ATP10D: variants seen among roughly 807,000 people sequenced by gnomAD.
ATP10D encodes the protein phospholipid-transporting ATPase VD.
ATP10D carries 89 observed loss-of-function variants against 144.8 expected under a neutral mutation model. That is an observed-to-expected ratio of 0.61 (90% CI 0.52 to 0.73). The LOEUF (loss-of-function observed/expected upper bound fraction) is 0.73, where lower values mean the gene tolerates loss of function less well. ATP10D is among the 30% of genes least tolerant of loss of function. The probability of loss-of-function intolerance (pLI) is 0.00; values close to 1 mark genes in which losing one functional copy is unlikely to be tolerated. For synonymous variants in ATP10D, 571 were observed against 615.1 expected, an observed-to-expected ratio of 0.93 and a Z score of 1.06; for missense variants, 1,603 against 1,714.8, an observed-to-expected ratio of 0.93 and a Z score of 1.15.
chr4:47,570,528 G>T (rs560092761), intron 16 of ATP10D, among the ~76,000 whole-genome samples: 2 of 152,300 alleles, frequency 1.3e-5, no homozygotes, highest in Non-Finnish European at 2.9e-5. Flanking sequence ...ATCAGGCCAG[G>T]TACAGTGGCT....
intron 5 of ATP10D, among the ~76,000 whole-genome samples, chr4:47,535,245 A>C (rs1343237017): frequency 6.6e-6 from 1 of 151,950 alleles, no homozygotes; most frequent in African/African-American, 2.4e-5. Context: ...AGAAATCTGT[A>C]CACCAAAGCC....
chr4:47,496,488 T>C (rs934205058), intron 1 of ATP10D, among the ~76,000 whole-genome samples: 2 of 152,150 alleles, frequency 1.3e-5, no homozygotes, highest in African/African-American at 4.8e-5. Context: ...GAGTTCAGTA[T>C]ATTTCTACTG....
intron 14 of ATP10D, among the ~76,000 whole-genome samples, chr4:47,562,495 T>G (rs1348121328): frequency 6.6e-6 from 1 of 152,148 alleles, no homozygotes; most frequent in Non-Finnish European, 1.5e-5. Flanking sequence ...CACAATGAGA[T>G]ACCATCTTAC....
At chr4:47,533,832 A>G (rs539547252) in intron 5 of ATP10D, among the ~76,000 whole-genome samples, 1 of 152,232 alleles carries the variant, frequency 6.6e-6, no homozygotes, top group East Asian at 1.9e-4. Flanking sequence ...TTCCACTTCC[A>G]CTTCCTTTCC....
chr4:47,569,792 G>C (rs1401170833), intron 16 of ATP10D, among the ~76,000 whole-genome samples: 3 of 152,148 alleles, frequency 2.0e-5, no homozygotes, highest in Non-Finnish European at 4.4e-5. Context: ...TGCTAAGGTT[G>C]ACTGTGAGCA....
At chr4:47,511,719 G>C (rs1355562241) in intron 1 of ATP10D, among the ~76,000 whole-genome samples, 2 of 152,200 alleles carry the variant, frequency 1.3e-5, no homozygotes, top group Admixed American at 1.3e-4. Flanking sequence ...GCTGAGCTCA[G>C]CTGAGACATC....
intron 20 of ATP10D, among the ~76,000 whole-genome samples, chr4:47,581,236 A>G (rs1720500037): frequency 6.6e-6 from 1 of 152,240 alleles, no homozygotes; most frequent in Non-Finnish European, 1.5e-5. Context: ...AAAGCAAAAA[A>G]AGTATAAACT....
chr4:47,539,147 T>G (rs1718003297), intron 9 of ATP10D, among the ~76,000 whole-genome samples: 1 of 152,228 alleles, frequency 6.6e-6, no homozygotes, highest in South Asian at 2.1e-4. Flanking sequence ...ATATCTTTGT[T>G]ATATAAATTT....
At chr4:47,538,807 C>G (rs1190871195) in intron 9 of ATP10D, among the ~76,000 whole-genome samples, 2 of 152,200 alleles carry the variant, frequency 1.3e-5, no homozygotes, top group Non-Finnish European at 2.9e-5. Context: ...AACAGCCTCA[C>G]AACAGCAGAG....
At chr4:47,511,434 G>C (rs115161403) in intron 1 of ATP10D, among the ~76,000 whole-genome samples, 1 of 152,114 alleles carries the variant, frequency 6.6e-6, no homozygotes, top group Non-Finnish European at 1.5e-5. Context: ...CATCAAAAGT[G>C]ATTGTCTGCC....
intron 1 of ATP10D, among the ~76,000 whole-genome samples, chr4:47,506,620 G>A (rs1716031913): frequency 6.6e-6 from 1 of 152,100 alleles, no homozygotes; most frequent in African/African-American, 2.4e-5. Flanking sequence ...AATTTTTTAA[G>A]ATTGTAAATC....
Position 47,573,213 on chromosome 4 carries a change from A to G in ATP10D, c.3366+216A>G, listed in dbSNP as rs370958325. Among the ~76,000 whole-genome samples the G allele has an allele frequency of 5.8e-4, 88 of 152,226 alleles. 1 individual carries two copies. Among genetic ancestry groups the G allele is most frequent in the Middle Eastern group, 3.4e-3 (1 of 294 alleles). On this transcript the variant is annotated intron_variant, in intron 18 of 22. Coordinates refer to ENST00000273859, the MANE Select transcript of ATP10D (RefSeq NM_020453.4). ...TTGCCAGGCTTGTCCATCTGCTAAC[A>G]TTTTCTACTCCCTGTGCATTTAAAT...
intron 1 of ATP10D, among the ~76,000 whole-genome samples, chr4:47,498,365 A>C (rs775773416): frequency 3.3e-5 from 5 of 152,204 alleles, no homozygotes; most frequent in African/African-American, 4.8e-5. Flanking sequence ...CCACAACCAA[A>C]AATATCTCCA....
intron 11 of ATP10D, among the ~76,000 whole-genome samples, chr4:47,555,741 A>G (rs757712342): frequency 6.6e-6 from 1 of 151,962 alleles, no homozygotes; most frequent in African/African-American, 2.4e-5. Context: ...ATCATGTTTA[A>G]TAATATTTTT....
chr4:47,548,503 GA>G (rs1718556464), intron 10 of ATP10D, among the ~76,000 whole-genome samples: 1 of 152,160 alleles, frequency 6.6e-6, no homozygotes, highest in South Asian at 2.1e-4. Flanking sequence ...AACTCCCTGA[GA>G]GAAGGATTTA....
chr4:47,568,911 G>T lies in ATP10D; in HGVS notation c.2928G>T (p.Val976=). Residue 976 remains valine, a synonymous_variant, in exon 16 of 23, where the codon GTG becomes GTT. Transcript: ENST00000273859. ...AAACTCAAGCCCTGCCAGAGCAAGTGTCATTAAGTGAAGATTTACTTCAGC... is the reference window on the plus strand; with the variant it reads ...AAACTCAAGCCCTGCCAGAGCAAGTTTCATTAAGTGAAGATTTACTTCAGC... ...QKKTQALPEQ[V]SLSEDLLQPP... 6.2e-7 allele frequency: 1 copy of T among 1,614,204 alleles called. No individual in the cohort carries two copies. The highest frequency in any genetic ancestry group is 1.1e-5 in the South Asian group (1 of 91,080).
At chr4:47,524,167 C>A (rs1278541192) in intron 4 of ATP10D, among the ~76,000 whole-genome samples, 1 of 152,130 alleles carries the variant, frequency 6.6e-6, no homozygotes. Context: ...ACCTCGTGAT[C>A]CATGTGCCTC....
intron 19 of ATP10D, among the ~76,000 whole-genome samples, chr4:47,579,209 ACT>A (rs1384515366): frequency 1.3e-5 from 2 of 152,006 alleles, no homozygotes; most frequent in East Asian, 3.9e-4. Context: ...ATTGTCTCTT[ACT>A]CTTTCTTTTT....
At chr4:47,533,838 T>C (rs1175152960) in intron 5 of ATP10D, among the ~76,000 whole-genome samples, 1 of 152,176 alleles carries the variant, frequency 6.6e-6, no homozygotes, top group Non-Finnish European at 1.5e-5. Flanking sequence ...TTCCACTTCC[T>C]TTCCTACCCC....
Sources: gnomAD v4.1 joint callset for allele counts (sites outside exome capture counted in the v4.1 genomes callset) on GRCh38, gnomAD v4.1.1 for gene constraint, MANE v1.5 for transcripts, NCBI Gene and HGNC (gene_info 2026-07-23, HGNC 2026-07-21) for gene names.